Variants in MEX3D observed in about 807,000 individuals in gnomAD.
The protein encoded by MEX3D is RNA-binding protein MEX3D.
Under a neutral mutation model 6.3 loss-of-function variants are expected in MEX3D, and 4 were observed. The ratio of observed to expected loss-of-function variants is 0.64; its 90% CI spans 0.31 to 1.46. MEX3D has a LOEUF of 1.46. MEX3D is among the 40% of genes most tolerant of loss of function. MEX3D has a pLI of 0.07. For synonymous variants in MEX3D, 626 were observed against 494.1 expected, an observed-to-expected ratio of 1.27 and a Z score of -3.54; for missense variants, 1,038 against 994.4, an observed-to-expected ratio of 1.04 and a Z score of -0.59.
At chr19:1,558,445 G>T (rs1046280558) in intron 1 of MEX3D, among the ~76,000 whole-genome samples, 4 of 151,798 alleles carry the variant, frequency 2.6e-5, no homozygotes, top group Non-Finnish European at 5.9e-5. Context: ...AGACTGCAGT[G>T]ATGTCTCTAC....
chr19:1,561,277 T>C (rs889305978), intron 1 of MEX3D, among the ~76,000 whole-genome samples: 6 of 151,688 alleles, frequency 4.0e-5, no homozygotes, highest in African/African-American at 7.3e-5. Flanking sequence ...CCAGGCTGGA[T>C]GGGTTTGCCA....
At chr19:1,565,254 A>G (rs1360916572) in intron 1 of MEX3D, among the ~76,000 whole-genome samples, 1 of 152,132 alleles carries the variant, frequency 6.6e-6, no homozygotes, top group Non-Finnish European at 1.5e-5. Context: ...ACAAATAAAT[A>G]AAACTGGCCG....
chr19:1,562,008 T>C (rs949862093), intron 1 of MEX3D, among the ~76,000 whole-genome samples: 58 of 147,520 alleles, frequency 3.9e-4, no homozygotes, highest in African/African-American at 1.4e-3. Flanking sequence ...ACACCTGTAA[T>C]CCCAGCACTT....
Position 1,556,207 on chromosome 19 carries a change from C to A in MEX3D, c.1312G>T (p.Gly438Cys). The change falls in exon 2 of 2, where the codon GGT becomes TGT. Residue 438 changes from glycine (G) to cysteine (C), a missense_variant. Transcript: ENST00000402693. This position sits in a 1 kb window ranked among gnomAD's most constrained non-coding sequence, Gnocchi z 7.5. The stretch of plus-strand genomic sequence containing the variant: ...GCCGTCCCCACCGGGGCACCGGGAC[C>A]CTCCGCGCCGAAGGCGAAGCCCCCG... ...GNGGFAFGAE[G>C]PGAPVGTAAP... The A allele has an allele frequency of 1.4e-6, 2 of 1,434,366 alleles. No homozygotes were observed. Among genetic ancestry groups the A allele is most frequent in the Non-Finnish European group, 9.1e-7 (1 of 1,094,632 alleles). 88.9% of individuals were successfully genotyped at this position (1,434,366 alleles called of 1,614,324 possible). A position where few individuals can be genotyped will look rare whatever the true frequency, so the allele number is the denominator to read the frequency against.
At chr19:1,560,226 C>T (rs1373271914) in intron 1 of MEX3D, among the ~76,000 whole-genome samples, 1 of 152,246 alleles carries the variant, frequency 6.6e-6, no homozygotes, top group Non-Finnish European at 1.5e-5. Context: ...CTGGCAGCCA[C>T]CCTGGCAGGT....
At chr19:1,565,969 A>G (rs1472146496) in intron 1 of MEX3D, among the ~76,000 whole-genome samples, 1 of 152,178 alleles carries the variant, frequency 6.6e-6, no homozygotes, top group East Asian at 1.9e-4. Context: ...CACAGCCTCC[A>G]CCACCTGGAG....
rs556839866 is a variant in MEX3D, at chr19:1,565,607, C to T, written c.595+1857G>A. Reference sequence around the variant, plus strand: ...TCTACCCTAATGGAGGTGAGACGTCCGCACATCACAGAGAGGGGCCGTCAT... The same window carrying T: ...TCTACCCTAATGGAGGTGAGACGTCTGCACATCACAGAGAGGGGCCGTCAT... On this transcript the variant is annotated intron_variant, in intron 1 of 1. Transcript: ENST00000402693. 3.9e-5 allele frequency among the ~76,000 whole-genome samples: 6 copies of T among 152,288 alleles called. No homozygotes were observed. In the East Asian group the frequency reaches 5.8e-4, roughly 15 times the overall value.
rs371885681 is a variant in MEX3D, at chr19:1,555,566, G to A, written c.1953C>T (p.Ser651=). Residue 651 remains serine (S), a synonymous_variant, in exon 2 of 2, where the codon TCC becomes TCT. Coordinates refer to ENST00000402693, the MANE Select transcript of MEX3D (RefSeq NM_203304.4). Reference sequence around the variant, plus strand: ...CGGCCACGTGGTGGTCCGCGCTCTAGGAAAAGATATGAATGGCCTGGGTGG... The same window carrying A: ...CGGCCACGTGGTGGTCCGCGCTCTAAGAAAAGATATGAATGGCCTGGGTGG... ...TPATQAIHIF[S] The A allele has an allele frequency of 6.3e-7, 1 of 1,579,830 alleles. No homozygotes were observed. The highest frequency in any genetic ancestry group is 8.6e-7 in the Non-Finnish European group (1 of 1,165,352).
At position 1,555,760 on chromosome 19, in the gene MEX3D, G is replaced by A. The variant is rs758542568; in HGVS notation, c.1759C>T (p.Pro587Ser). Residue 587 changes from proline to serine, a missense_variant, in exon 2 of 2, where the codon CCC (proline) becomes TCC (serine). Pro to Ser is a moderately conservative substitution (Grantham distance 74). Coordinates refer to ENST00000402693, the MANE Select transcript of MEX3D (RefSeq NM_203304.4). ...GCCGGGGCCGAGGACGCCGAAGGGG[G>A]CTTGCGGCTGTTCTCGGAGGCGCCG... The part of the protein sequence containing the change: ...DSGASENSRK[P>S]PSASSAPALA... 8 of 1,494,174 alleles carry A rather than the reference G, an allele frequency of 5.4e-6. No homozygotes were observed. The highest frequency in any genetic ancestry group is 5.4e-5 in the East Asian group (2 of 36,964). 92.6% of individuals were successfully genotyped at this position (1,494,174 alleles called of 1,614,324 possible).
In MEX3D at chr19:1,567,294, G is replaced by A. The variant is rs1317308164; in HGVS notation, c.595+170C>T. On this transcript the variant is annotated intron_variant, in intron 1 of 1. Coordinates refer to ENST00000402693, the MANE Select transcript of MEX3D (RefSeq NM_203304.4). The surrounding 1 kb of genome is among the most constrained non-coding windows in gnomAD (Gnocchi z 6.5). Reference sequence around the variant, plus strand: ...CGGGCTGCGCCCAACTTTCTCCCGCGGCGGCTGCAGGACAAAGGCGCAAAG... The same window carrying A: ...CGGGCTGCGCCCAACTTTCTCCCGCAGCGGCTGCAGGACAAAGGCGCAAAG... Among the ~76,000 whole-genome samples, 4 of 151,868 alleles carry A rather than the reference G, an allele frequency of 2.6e-5. No individual in the cohort carries two copies. Among genetic ancestry groups the A allele is most frequent in the Non-Finnish European group, 4.4e-5 (3 of 67,932 alleles).
intron 1 of MEX3D, among the ~76,000 whole-genome samples, chr19:1,557,204 G>A (rs1395961158): frequency 6.6e-6 from 1 of 152,206 alleles, no homozygotes; most frequent in African/African-American, 2.4e-5. Flanking sequence ...TGTGACGGCT[G>A]GGGTGTGAAT....
At chr19:1,565,067 C>CT (rs911442820) in intron 1 of MEX3D, among the ~76,000 whole-genome samples, 2 of 152,078 alleles carry the variant, frequency 1.3e-5, no homozygotes, top group Non-Finnish European at 2.9e-5. Flanking sequence ...GGGGTGGCCA[C>CT]TGTGTGTGAC....
chr19:1,558,612 T>C (rs1340215263), intron 1 of MEX3D, among the ~76,000 whole-genome samples: 1 of 152,204 alleles, frequency 6.6e-6, no homozygotes, highest in Non-Finnish European at 1.5e-5. Context: ...GGAGACCCTC[T>C]GACACCACCT....
chr19:1,564,018 G>A (rs926434385), intron 1 of MEX3D, among the ~76,000 whole-genome samples: 4 of 151,078 alleles, frequency 2.6e-5, no homozygotes, highest in South Asian at 2.1e-4. Flanking sequence ...CATGTTGGCC[G>A]GGCTGGTCTC....
rs1411369932 is a variant in MEX3D at position 1,555,414 on chromosome 19, T to C, written c.*149A>G. The C allele has an allele frequency of 1.9e-6, 3 of 1,597,482 alleles. No individual in the cohort carries two copies. Among genetic ancestry groups the C allele is most frequent in the Non-Finnish European group, 2.6e-6 (3 of 1,172,056 alleles). On this transcript the variant is annotated 3_prime_UTR_variant, in exon 2 of 2. Coordinates refer to ENST00000402693, the MANE Select transcript of MEX3D (RefSeq NM_203304.4). ...CCTGAGGCGGCAGTTAAAGCTCATC[T>C]GTAAACACTGGCCGCCGCCCACCCC...
Position 1,555,938 on chromosome 19 carries a change from G to A in MEX3D, c.1581C>T (p.Leu527=), listed in dbSNP as rs1427872139. ...LPEPGGLRLE[L]PLSRRGAPDP... is the part of the protein sequence containing the mutation. ...CCGGGGCGCCACGGCGAGACAGCGG[G>A]AGCTCCAGGCGGAGGCCGCCGGGCT... is the stretch of plus-strand genomic sequence containing the variant. Residue 527 remains leucine, a synonymous_variant, in exon 2 of 2, where the codon CTC becomes CTT. Transcript: ENST00000402693. The A allele has an allele frequency of 6.8e-6, 8 of 1,184,520 alleles. No homozygotes were observed. The highest frequency in any genetic ancestry group is 4.0e-5 in the East Asian group (1 of 24,770). 73.4% of individuals were successfully genotyped at this position (1,184,520 alleles called of 1,614,324 possible). A position where few individuals can be genotyped will look rare whatever the true frequency, so the allele number is the denominator to read the frequency against.
In MEX3D at chr19:1,559,135, CTTAA is replaced by C. The variant is rs530543340; in HGVS notation, c.596-2216_596-2213del. ...CCAGAGCTGGCACCACCATGCCCAG[CTTAA>C]TTAGTTATTGAGACGGAGTTTTGCT... On this transcript the variant is annotated intron_variant, in intron 1 of 1. Coordinates refer to ENST00000402693, the MANE Select transcript of MEX3D (RefSeq NM_203304.4). 2.6e-3 allele frequency among the ~76,000 whole-genome samples: 393 copies of C among 151,952 alleles called. 3 individuals carry two copies. The highest frequency in any genetic ancestry group is 8.3e-3 in the African/African-American group (346 of 41,456).
Position 1,556,076 on chromosome 19 carries a change from G to A in MEX3D, c.1443C>T (p.Pro481=). ...TIWAPFERAA[P]LPAFSGCSTV... ...TGGAGCAGCCGCTGAAGGCGGGCAAGGGGGCGGCGCGCTCAAAAGGCGCCC... is the reference window on the plus strand; with the variant it reads ...TGGAGCAGCCGCTGAAGGCGGGCAAAGGGGCGGCGCGCTCAAAAGGCGCCC... Residue 481 remains proline (P), a synonymous_variant, in exon 2 of 2, where the codon CCC becomes CCT. Transcript: ENST00000402693. The surrounding 1 kb of genome is among the most constrained non-coding windows in gnomAD (Gnocchi z 7.5). The A allele has an allele frequency of 7.1e-7, 1 of 1,409,312 alleles. No individual in the cohort carries two copies. The highest frequency in any genetic ancestry group is 9.3e-7 in the Non-Finnish European group (1 of 1,079,776). The allele number at this position is 1,409,312 out of a possible 1,614,324, so 87.3% of individuals were successfully genotyped here.
At position 1,556,722 on chromosome 19, in the gene MEX3D, C is replaced by G. The variant is rs1181250433; in HGVS notation, c.797G>C (p.Gly266Ala). Reference protein sequence around the residue: ...KAGGLPGAAQGPPNLPGQTTI... With the variant: ...KAGGLPGAAQAPPNLPGQTTI... ...GGTCTGTCCGGGAAGGTTGGGCGGG[C>G]CCTGGGCGGCGCCGGGCAGACCCCC... Residue 266 changes from glycine (G) to alanine (A), a missense_variant, in exon 2 of 2, where the codon GGC (glycine) becomes GCC (alanine). Around this residue, in one of 5 missense-constraint regions of MEX3D, gnomAD observed 52 missense variants for 37.4 expected, o/e 1.39. Transcript: ENST00000402693. The surrounding 1 kb of genome is among the most constrained non-coding windows in gnomAD (Gnocchi z 7.5). 6.2e-7 allele frequency: 1 copy of G among 1,611,178 alleles called. No individual in the cohort carries two copies. Among genetic ancestry groups the G allele is most frequent in the East Asian group, 2.2e-5 (1 of 44,826 alleles).
Sources: gnomAD v4.1 joint callset for allele counts (sites outside exome capture counted in the v4.1 genomes callset) on GRCh38, gnomAD v4.1.1 for gene constraint, gnomAD v4.1.1 regional missense constraint, Gnocchi (gnomAD v3.1) non-coding constraint, MANE v1.5 for transcripts, NCBI Gene and HGNC (gene_info 2026-07-23, HGNC 2026-07-21) for gene names.